The following GUCY1A2 variants were observed in gnomAD, a reference collection of about 807,000 sequenced individuals.
GUCY1A2 encodes the protein guanylate cyclase soluble subunit alpha-2.
GUCY1A2 carries 27 observed loss-of-function variants against 63.5 expected under a neutral mutation model. That is an observed-to-expected ratio of 0.43 (90% CI 0.31 to 0.59). The LOEUF is 0.59. Among genes scored for constraint, GUCY1A2 ranks in the 20% least tolerant of loss-of-function variants. The probability of loss-of-function intolerance (pLI) is 0.11; values close to 1 mark genes in which losing one functional copy is unlikely to be tolerated. For synonymous variants in GUCY1A2, 364 were observed against 343.5 expected, an observed-to-expected ratio of 1.06 and a Z score of -0.66; for missense variants, 768 against 913.3, an observed-to-expected ratio of 0.84 and a Z score of 2.05.
chr11:106,809,051 G>A (rs1451574566), intron 5 of GUCY1A2, among the ~76,000 whole-genome samples: 1 of 151,918 alleles, frequency 6.6e-6, no homozygotes, highest in Non-Finnish European at 1.5e-5. Context: ...ATTTCCCCAA[G>A]AAGACACACC....
At chr11:106,913,314 G>A (rs1284067753) in intron 4 of GUCY1A2, among the ~76,000 whole-genome samples, 1 of 152,138 alleles carries the variant, frequency 6.6e-6, no homozygotes, top group African/African-American at 2.4e-5. Flanking sequence ...CATGGCACCA[G>A]CATCAGCATC....
At chr11:106,832,633 G>A (rs1026244239) in intron 4 of GUCY1A2, among the ~76,000 whole-genome samples, 1 of 152,060 alleles carries the variant, frequency 6.6e-6, no homozygotes, top group African/African-American at 2.4e-5. Context: ...TGTGTTATAT[G>A]ACACCCTCAG....
In GUCY1A2 at chr11:106,674,636, C is replaced by CTGG. The variant is rs1862315475; in HGVS notation, c.*12910_*12912dup. On this transcript the variant is annotated 3_prime_UTR_variant, in exon 8 of 8. Transcript: ENST00000526355. ...CCTACATATATATTAGTATATTTAC[C>CTGG]TGGTATTAGTTGATGACATTATAAT... The CTGG allele has an allele frequency of 1.1e-5, 2 of 186,408 alleles. No individual in the cohort carries two copies. The highest frequency in any genetic ancestry group is 3.9e-4 in the South Asian group (2 of 5,098). The allele number at this position is 186,408 out of a possible 1,614,324, so 11.5% of individuals were successfully genotyped here. A position where few individuals can be genotyped will look rare whatever the true frequency, so the allele number is the denominator to read the frequency against.
intron 4 of GUCY1A2, among the ~76,000 whole-genome samples, chr11:106,931,008 C>T (rs1860593842): frequency 6.6e-6 from 1 of 152,212 alleles, no homozygotes; most frequent in Non-Finnish European, 1.5e-5. Flanking sequence ...CGATAAAGCC[C>T]AGACTTACAT....
At chr11:107,011,697 A>G (rs1861748589) in intron 1 of GUCY1A2, among the ~76,000 whole-genome samples, 1 of 148,384 alleles carries the variant, frequency 6.7e-6, no homozygotes, top group Non-Finnish European at 1.5e-5. Flanking sequence ...CACTGATGTC[A>G]TTTCTCATTG....
chr11:106,836,771 G>A (rs1481558941), intron 4 of GUCY1A2, among the ~76,000 whole-genome samples: 2 of 151,886 alleles, frequency 1.3e-5, no homozygotes, highest in African/African-American at 4.8e-5. Flanking sequence ...ACAAGAGGTG[G>A]TTATGAAATT....
intron 1 of GUCY1A2, among the ~76,000 whole-genome samples, chr11:106,999,435 A>G (rs1861584694): frequency 1.3e-5 from 2 of 152,198 alleles, no homozygotes; most frequent in African/African-American, 4.8e-5. Context: ...GAGCAAAACC[A>G]TAATAAACTT....
intron 6 of GUCY1A2, among the ~76,000 whole-genome samples, chr11:106,732,438 T>C (rs990178743): frequency 4.6e-5 from 7 of 152,136 alleles, no homozygotes; most frequent in Non-Finnish European, 1.0e-4. Context: ...GTTAGCTTCA[T>C]AAGACATTTA....
chr11:106,918,943 C>A (rs1161999872), intron 4 of GUCY1A2, among the ~76,000 whole-genome samples: 2 of 152,140 alleles, frequency 1.3e-5, no homozygotes, highest in Non-Finnish European at 2.9e-5. Flanking sequence ...AAATTCGATA[C>A]TGCCCAGGTA....
intron 1 of GUCY1A2, among the ~76,000 whole-genome samples, chr11:106,988,703 G>A (rs188208938): frequency 5.3e-4 from 80 of 152,282 alleles, no homozygotes; most frequent in Non-Finnish European, 7.4e-5. Context: ...GCCAAAGTGG[G>A]CAGGCACATT....
At chr11:106,912,739 CTATAAAGAA>C (rs1018551447) in intron 4 of GUCY1A2, among the ~76,000 whole-genome samples, 1 of 151,968 alleles carries the variant, frequency 6.6e-6, no homozygotes, top group African/African-American at 2.4e-5. Flanking sequence ...AAATATCAAC[CTATAAAGAA>C]AAAAGAACAG....
intron 6 of GUCY1A2, among the ~76,000 whole-genome samples, chr11:106,709,293 T>A (rs12294068): frequency 0.012 from 1,193 of 101,270 alleles, 34 homozygotes; most frequent in African/African-American, 0.046. Flanking sequence ...TTATATATAT[T>A]TATATTTTTA....
intron 4 of GUCY1A2, among the ~76,000 whole-genome samples, chr11:106,886,128 A>T (rs1005719074): frequency 5.3e-5 from 8 of 152,194 alleles, no homozygotes; most frequent in Non-Finnish European, 1.2e-4. Context: ...ACTGCCATCC[A>T]GAAAGGATAA....
At chr11:106,804,418 G>T (rs1470516236) in intron 5 of GUCY1A2, among the ~76,000 whole-genome samples, 1 of 152,194 alleles carries the variant, frequency 6.6e-6, no homozygotes, top group African/African-American at 2.4e-5. Context: ...ATTTCATGCT[G>T]CAAATGACGT....
intron 4 of GUCY1A2, among the ~76,000 whole-genome samples, chr11:106,908,518 G>A (rs1021021864): frequency 2.6e-5 from 4 of 151,470 alleles, no homozygotes; most frequent in African/African-American, 4.8e-5. Context: ...AGTGAGAGCC[G>A]GTGACAAAAA....
In GUCY1A2 at chr11:106,823,978, CAT is replaced by C. The variant is rs1015858523; in HGVS notation, c.1207-13502_1207-13501del. On this transcript the variant is annotated intron_variant, in intron 4 of 7. Transcript: ENST00000526355. The stretch of plus-strand genomic sequence containing the variant: ...AGTCAATGTATTAAAAATTACTGCG[CAT>C]ATAGTTATTGCTTTTATAAATTTGT... 31 of 670,444 alleles carry C rather than the reference CAT, an allele frequency of 4.6e-5. No homozygotes were observed. The African/African-American group carries it at 5.2e-4, about 11-fold the overall frequency. 41.5% of individuals were successfully genotyped at this position (670,444 alleles called of 1,614,324 possible).
intron 4 of GUCY1A2, among the ~76,000 whole-genome samples, chr11:106,888,002 T>C (rs1036845918): frequency 6.6e-6 from 1 of 152,146 alleles, no homozygotes; most frequent in Non-Finnish European, 1.5e-5. Flanking sequence ...TGAAGGTTAT[T>C]ACCACAGTGA....
intron 7 of GUCY1A2, among the ~76,000 whole-genome samples, chr11:106,704,626 A>G (rs1862875476): frequency 6.6e-6 from 1 of 152,220 alleles, no homozygotes; most frequent in East Asian, 1.9e-4. Flanking sequence ...GTAAAATGAG[A>G]AAAGCAAAAA....
intron 7 of GUCY1A2, among the ~76,000 whole-genome samples, chr11:106,698,467 A>G (rs568871822): frequency 4.3e-4 from 66 of 152,148 alleles, no homozygotes; most frequent in African/African-American, 1.5e-3. Context: ...ATTTTTTGGA[A>G]TAATGTTAGA....
Sources: gnomAD v4.1 joint callset for allele counts (sites outside exome capture counted in the v4.1 genomes callset) on GRCh38, gnomAD v4.1.1 for gene constraint, MANE v1.5 for transcripts, NCBI Gene and HGNC (gene_info 2026-07-23, HGNC 2026-07-21) for gene names.